The following ABCA9 variants were observed in gnomAD, a reference collection of about 807,000 sequenced individuals.
The protein encoded by ABCA9 is ATP-binding cassette sub-family A member 9.
ABCA9 carries 183 observed loss-of-function variants against 205.3 expected under a neutral mutation model. The ratio of observed to expected loss-of-function variants is 0.89; its 90% CI spans 0.79 to 1.01. The LOEUF (loss-of-function observed/expected upper bound fraction) is 1.01. ABCA9 is among the 50% of genes least tolerant of loss of function. The pLI is 0.00. For missense variants in ABCA9, 1,805 were observed against 1,912.4 expected (o/e 0.94, Z 1.05); for synonymous variants, 651 against 683.3 (o/e 0.95, Z 0.74).
intron 16 of ABCA9, among the ~76,000 whole-genome samples, chr17:69,025,044 G>GTACT (rs1411926157): frequency 6.6e-6 from 1 of 152,084 alleles, no homozygotes; most frequent in Non-Finnish European, 1.5e-5. Context: ...AGGCTATTCT[G>GTACT]TACTTACAAG....
intron 25 of ABCA9, among the ~76,000 whole-genome samples, chr17:69,000,501 C>A (rs367742593): frequency 5.4e-4 from 81 of 150,348 alleles, no homozygotes; most frequent in Non-Finnish European, 3.0e-4. Flanking sequence ...TGTTTTGGTA[C>A]CAGTACCATG....
chr17:68,984,189 A>T lies in ABCA9; in HGVS notation c.4380-14T>A, dbSNP rs2069157307. The T allele has an allele frequency of 1.2e-6, 2 of 1,613,256 alleles. No individual in the cohort carries two copies. The highest frequency in any genetic ancestry group is 1.3e-5 in the African/African-American group (1 of 74,996). On this transcript the variant is annotated splice_polypyrimidine_tract_variant and intron_variant, in intron 34 of 38. Transcript: ENST00000340001. ...CGAATCACCTGCCTAAAGTTAAGTC[A>T]AGAGAAAACGTGAACTCATGGGAAT... is the stretch of plus-strand genomic sequence containing the variant.
intron 23 of ABCA9, among the ~76,000 whole-genome samples, chr17:69,009,073 T>G (rs1477797378): frequency 6.6e-6 from 1 of 152,196 alleles, no homozygotes; most frequent in East Asian, 1.9e-4. Flanking sequence ...TTCATCAACT[T>G]ATTTAATATA....
chr17:69,008,620 C>T (rs1302330323), intron 23 of ABCA9, among the ~76,000 whole-genome samples: 6 of 152,198 alleles, frequency 3.9e-5, no homozygotes, highest in Non-Finnish European at 7.3e-5. Context: ...AAAATTTATG[C>T]TGAATGTAAA....
intron 5 of ABCA9, 138 bp from the exon 6 acceptor site, chr17:69,043,853 T>C (rs554312764): frequency 9.3e-6 from 7 of 754,130 alleles, no homozygotes; most frequent in Admixed American, 6.5e-5. Context: ...ATCTGGCCCC[T>C]TGTGGTTCCT....
At chr17:68,995,679 C>T (rs2069594764) in intron 26 of ABCA9, among the ~76,000 whole-genome samples, 1 of 106,526 alleles carries the variant, frequency 9.4e-6, no homozygotes, top group East Asian at 2.1e-4. Flanking sequence ...CTTCCACTCT[C>T]CTGGAGTTGC....
the ABCA9 span, among the ~76,000 whole-genome samples, chr17:69,076,696 A>G: frequency 6.6e-6 from 1 of 151,998 alleles, no homozygotes; most frequent in Non-Finnish European, 1.5e-5. Context: ...GGAACTTGGT[A>G]TTGGTCTGCT....
chr17:69,053,047 C>T (rs186419679), intron 1 of ABCA9, among the ~76,000 whole-genome samples: 2 of 152,218 alleles, frequency 1.3e-5, no homozygotes, highest in Admixed American at 1.3e-4. Context: ...AGATGTTCAC[C>T]AAACCAGAAG....
At chr17:69,025,417 G>A (rs1017921588) in intron 16 of ABCA9, among the ~76,000 whole-genome samples, 3 of 152,110 alleles carry the variant, frequency 2.0e-5, no homozygotes, top group African/African-American at 7.2e-5. Context: ...ACTTGGACAT[G>A]GTTAAATGGG....
rs1288086715 is a variant in ABCA9, at chr17:69,060,814, T to C, written c.-14+52A>G. 5.2e-6 allele frequency: 5 copies of C among 965,130 alleles called. No homozygotes were observed. In the East Asian group the frequency reaches 3.4e-4, roughly 67 times the overall value. The allele number at this position is 965,130 out of a possible 1,614,324, so 59.8% of individuals were successfully genotyped here. A position where few individuals can be genotyped will look rare whatever the true frequency, so the allele number is the denominator to read the frequency against. The stretch of plus-strand genomic sequence containing the variant: ...ACGTCTGGCATGCCTATTTATAGTC[T>C]TATGTTATATTTCTATATGCAAAAT... On this transcript the variant is annotated intron_variant, in intron 1 of 38. Coordinates refer to ENST00000340001, the MANE Select transcript of ABCA9 (RefSeq NM_080283.4).
At chr17:68,997,666 A>T (rs2069678722) in intron 25 of ABCA9, among the ~76,000 whole-genome samples, 1 of 149,888 alleles carries the variant, frequency 6.7e-6, no homozygotes, top group South Asian at 2.1e-4. Flanking sequence ...TTAGCTTCAC[A>T]GCAAAATTGA....
chr17:69,031,415 T>A (rs1314632247), intron 10 of ABCA9, among the ~76,000 whole-genome samples: 1 of 152,202 alleles, frequency 6.6e-6, no homozygotes, highest in East Asian at 1.9e-4. Context: ...ATCATAAATG[T>A]CCTGAGTTAA....
chr17:69,016,174 A>G, intron 22 of ABCA9, 79 bp downstream of exon 22: 9 of 1,073,404 alleles, frequency 8.4e-6, no homozygotes, highest in East Asian at 2.8e-5. Flanking sequence ...AAAAAGTAAT[A>G]TAACATTATT....
rs144872058 is a variant in ABCA9 at position 69,009,996 on chromosome 17, A to G, written c.3148-1761T>C. 4.1e-3 allele frequency among the ~76,000 whole-genome samples: 627 copies of G among 152,264 alleles called. 4 individuals carry two copies. The highest frequency in any genetic ancestry group is 0.027 in the Middle Eastern group (8 of 294). The stretch of plus-strand genomic sequence containing the variant: ...ATTAAATCTTAACTGGGTGTCTGTA[A>G]TTTTATTTGCTTAATTCTGGCATCC... On this transcript the variant is annotated intron_variant, in intron 23 of 38. Transcript: ENST00000340001.
chr17:69,034,388 ATT>A (rs1180162324), intron 8 of ABCA9, among the ~76,000 whole-genome samples: 2 of 151,212 alleles, frequency 1.3e-5, no homozygotes, highest in Non-Finnish European at 3.0e-5. Context: ...TGACTGGCTA[ATT>A]TTTTTTTATT....
chr17:68,992,397 A>G, intron 27 of ABCA9, 131 bp from the exon 28 acceptor site: 1 of 568,734 alleles, frequency 1.8e-6, no homozygotes, highest in Non-Finnish European at 3.0e-6. Context: ...AGGCTGAAAG[A>G]CAACCTGTAA....
intron 22 of ABCA9, among the ~76,000 whole-genome samples, chr17:69,015,726 A>T (rs16973508): frequency 0.053 from 8,057 of 152,114 alleles, 712 homozygotes; most frequent in African/African-American, 0.18. Context: ...TTCTTAAGAA[A>T]CTTTTGTGAT....
intron 26 of ABCA9, among the ~76,000 whole-genome samples, chr17:68,994,517 G>A (rs767255407): frequency 1.3e-5 from 2 of 152,060 alleles, no homozygotes; most frequent in Non-Finnish European, 1.5e-5. Context: ...GAGGGTCTTC[G>A]GCACTGTCTG....
intron 23 of ABCA9, 37 bp from the exon 24 acceptor site, chr17:69,008,272 A>G: frequency 6.3e-7 from 1 of 1,581,608 alleles, no homozygotes; most frequent in East Asian, 2.2e-5. Context: ...AAAGGTTCTG[A>G]AGAGCTGAAG....
Sources: allele counts gnomAD v4.1 joint callset (sites outside exome capture counted in the v4.1 genomes callset), GRCh38; gene constraint gnomAD v4.1.1; transcripts MANE v1.5; gene names NCBI Gene and HGNC (gene_info 2026-07-23, HGNC 2026-07-21).